The following CSMD1 variants were observed in gnomAD, a reference collection of about 807,000 sequenced individuals.
CSMD1 encodes the protein CUB and Sushi multiple domains 1, also known as CUB and sushi domain-containing protein 1.
In CSMD1, 213 loss-of-function variants were observed where a neutral mutation model predicts 417.5. The ratio of observed to expected loss-of-function variants is 0.51; its 90% confidence interval spans 0.46 to 0.57. The LOEUF is 0.57. Among genes scored for constraint, CSMD1 ranks in the 20% least tolerant of loss-of-function variants. CSMD1 has a pLI of 0.00. For missense variants in CSMD1, 6,923 were observed against 4,529.7 expected (o/e 1.53, Z -15.17); for synonymous variants, 2,862 against 1,736.8 (o/e 1.65, Z -16.11).
chr8:4,068,822 G>A (rs985736848), intron 3 of CSMD1, among the ~76,000 whole-genome samples: 1 of 152,174 alleles, frequency 6.6e-6, no homozygotes, highest in Non-Finnish European at 1.5e-5. Context: ...CATGGTATCA[G>A]TGACATTCAT....
chr8:3,609,407 G>T (rs1327787152), intron 8 of CSMD1, among the ~76,000 whole-genome samples: 1 of 152,162 alleles, frequency 6.6e-6, no homozygotes, highest in Non-Finnish European at 1.5e-5. Flanking sequence ...GAAAAATACT[G>T]TCAGCAAACT....
At chr8:4,170,061 G>A (rs1320412880) in intron 3 of CSMD1, among the ~76,000 whole-genome samples, 3 of 151,798 alleles carry the variant, frequency 2.0e-5, no homozygotes, top group Non-Finnish European at 2.9e-5. Context: ...AAACCTCTAG[G>A]TAAGGAATTG....
chr8:4,347,781 G>C (rs1007343255), intron 3 of CSMD1, among the ~76,000 whole-genome samples: 3 of 151,978 alleles, frequency 2.0e-5, no homozygotes, highest in African/African-American at 7.2e-5. Flanking sequence ...TAAAGTTTTA[G>C]TAACTCTAAA....
chr8:3,764,434 C>G (rs959126472), intron 5 of CSMD1, among the ~76,000 whole-genome samples: 1 of 152,116 alleles, frequency 6.6e-6, no homozygotes, highest in African/African-American at 2.4e-5. Context: ...TGTGAGACAC[C>G]TTACTGGGCC....
chr8:2,979,983 AT>A (rs1475354942), intron 54 of CSMD1, among the ~76,000 whole-genome samples: 5 of 152,340 alleles, frequency 3.3e-5, no homozygotes, highest in East Asian at 3.9e-4. Flanking sequence ...TAACTTGAAA[AT>A]GTGATTATTT....
intron 3 of CSMD1, among the ~76,000 whole-genome samples, chr8:4,052,572 C>A (rs527718036): frequency 2.2e-4 from 34 of 152,162 alleles, no homozygotes; most frequent in African/African-American, 8.2e-4. Context: ...CTGAGAAAAT[C>A]ACGAAATTCT....
intron 45 of CSMD1, 33 bp downstream of exon 45, chr8:3,107,685 G>T: frequency 8.1e-7 from 1 of 1,237,794 alleles, no homozygotes; most frequent in Non-Finnish European, 1.2e-6. Flanking sequence ...ATGTCGTGCT[G>T]AATTCATGGT....
rs142978111 is a variant in CSMD1 at position 4,372,511 on chromosome 8, G to C, written c.415+47442C>G. Among the ~76,000 whole-genome samples the C allele has an allele frequency of 6.2e-4, 94 of 151,540 alleles. 1 individual carries two copies. The highest frequency in any genetic ancestry group is 2.2e-3 in the African/African-American group (91 of 41,258). ...AACAACAACAAAAAACAGAAAAAAAGTCCTCTAATACCTCATCCAATAAAA... is the reference window on the plus strand; with the variant it reads ...AACAACAACAAAAAACAGAAAAAAACTCCTCTAATACCTCATCCAATAAAA... On this transcript the variant is annotated intron_variant, in intron 3 of 69. Coordinates refer to ENST00000635120, the MANE Select transcript of CSMD1 (RefSeq NM_033225.6).
At chr8:3,282,704 G>T (rs1802831405) in intron 26 of CSMD1, among the ~76,000 whole-genome samples, 1 of 152,162 alleles carries the variant, frequency 6.6e-6, no homozygotes, top group Admixed American at 6.5e-5. Context: ...GCAAATCACT[G>T]TTCAGAGCAC....
At chr8:4,191,640 G>A (rs906785062) in intron 3 of CSMD1, among the ~76,000 whole-genome samples, 1 of 145,394 alleles carries the variant, frequency 6.9e-6, no homozygotes, top group South Asian at 2.2e-4. Flanking sequence ...TACATTGAAA[G>A]AAAATGAAAA....
At chr8:3,924,467 G>A (rs2627400) in intron 5 of CSMD1, among the ~76,000 whole-genome samples, 3 of 151,990 alleles carry the variant, frequency 2.0e-5, no homozygotes, top group Non-Finnish European at 2.9e-5. Flanking sequence ...ATCTTTCTCT[G>A]TTTCTTCTGA....
rs560900199 is a variant in CSMD1 at position 4,341,741 on chromosome 8, C to T, written c.415+78212G>A. Among the ~76,000 whole-genome samples the T allele has an allele frequency of 2.0e-5, 3 of 152,234 alleles. No individual in the cohort carries two copies. In the South Asian group the frequency reaches 6.2e-4, roughly 32 times the overall value. On this transcript the variant is annotated intron_variant, in intron 3 of 69. Coordinates refer to ENST00000635120, the MANE Select transcript of CSMD1 (RefSeq NM_033225.6). Reference sequence around the variant, plus strand: ...GTTTTTTCAACAAATTAGAATTAGGCAGTTAGGGTGCATTAATAATGGTCA... The same window carrying T: ...GTTTTTTCAACAAATTAGAATTAGGTAGTTAGGGTGCATTAATAATGGTCA...
intron 1 of CSMD1, among the ~76,000 whole-genome samples, chr8:4,732,570 C>G (rs184980461): frequency 6.6e-6 from 1 of 152,088 alleles, no homozygotes; most frequent in Non-Finnish European, 1.5e-5. Flanking sequence ...TGGAAAGCAA[C>G]CTGTCAGAGA....
intron 54 of CSMD1, among the ~76,000 whole-genome samples, chr8:2,988,487 A>T (rs1463108528): frequency 1.3e-5 from 2 of 152,212 alleles, no homozygotes; most frequent in Non-Finnish European, 2.9e-5. Flanking sequence ...GAACTGGCTC[A>T]ACTCTTAGGC....
At chr8:3,272,150 G>A (rs1043295231) in intron 26 of CSMD1, among the ~76,000 whole-genome samples, 5 of 146,724 alleles carry the variant, frequency 3.4e-5, no homozygotes, top group Admixed American at 1.4e-4. Context: ...TCTGCATATG[G>A]TTAGCCAGTT....
intron 1 of CSMD1, among the ~76,000 whole-genome samples, chr8:4,929,290 G>T (rs1807078172): frequency 6.6e-6 from 1 of 152,084 alleles, no homozygotes; most frequent in Admixed American, 6.5e-5. Context: ...TGGACTTCCA[G>T]CCTCCCGAAC....
intron 3 of CSMD1, among the ~76,000 whole-genome samples, chr8:4,418,409 T>A (rs1335151928): frequency 6.6e-6 from 1 of 152,102 alleles, no homozygotes; most frequent in Admixed American, 6.6e-5. Context: ...CCAGAAATAT[T>A]TGATAGAATT....
At chr8:3,715,418 G>C (rs553085100) in intron 6 of CSMD1, among the ~76,000 whole-genome samples, 12 of 152,194 alleles carry the variant, frequency 7.9e-5, no homozygotes, top group South Asian at 4.1e-4. Context: ...TGAAAATGTG[G>C]TTCCGTCATT....
chr8:3,772,960 G>A (rs1389780879), intron 5 of CSMD1, among the ~76,000 whole-genome samples: 3 of 152,016 alleles, frequency 2.0e-5, no homozygotes, highest in Non-Finnish European at 4.4e-5. Flanking sequence ...TCACTATCAA[G>A]GTGCCAGTGG....
Sources: allele counts gnomAD v4.1 joint callset (sites outside exome capture counted in the v4.1 genomes callset), GRCh38; gene constraint gnomAD v4.1.1; transcripts MANE v1.5; gene names NCBI Gene and HGNC (gene_info 2026-07-23, HGNC 2026-07-21).